KCNIP4: variants seen among roughly 807,000 people sequenced by gnomAD.
The protein encoded by KCNIP4 is Kv channel-interacting protein 4.
In KCNIP4, 12 loss-of-function variants were observed where a neutral mutation model predicts 34.0. That is an observed-to-expected ratio of 0.35 (90% CI 0.23 to 0.57). KCNIP4 has a LOEUF of 0.57. Ranked by LOEUF, KCNIP4 falls within the 20% of genes least tolerant of loss-of-function variation. The pLI is 0.83. For missense variants in KCNIP4, 238 were observed against 311.7 expected (o/e 0.76, Z 1.78); for synonymous variants, 124 against 102.2 (o/e 1.21, Z -1.29).
chr4:21,296,825 G>T (rs10027124), intron 1 of KCNIP4, among the ~76,000 whole-genome samples: 83 of 152,014 alleles, frequency 5.5e-4, no homozygotes, highest in African/African-American at 1.9e-3. Context: ...AGTCTGGCCG[G>T]TGGGGGTGAA....
At chr4:20,765,499 T>G (rs1238982915) in intron 3 of KCNIP4, among the ~76,000 whole-genome samples, 1 of 152,184 alleles carries the variant, frequency 6.6e-6, no homozygotes, top group Non-Finnish European at 1.5e-5. Context: ...CTTTTTCTTT[T>G]TAGAAATCTT....
intron 1 of KCNIP4, among the ~76,000 whole-genome samples, chr4:21,820,283 GTGTATATATATATA>G (rs1274546134): frequency 0.012 from 1,568 of 127,480 alleles, 16 homozygotes; most frequent in African/African-American, 0.017. Context: ...ATGTGTGTGT[GTGTATATATATATA>G]TATATATATA....
chr4:21,352,790 C>T (rs1052562537), intron 1 of KCNIP4, among the ~76,000 whole-genome samples: 1 of 152,226 alleles, frequency 6.6e-6, no homozygotes. Flanking sequence ...CCCAGCACAG[C>T]ATTTGAGCTC....
At chr4:21,302,195 T>G (rs1711810612) in intron 1 of KCNIP4, among the ~76,000 whole-genome samples, 1 of 152,150 alleles carries the variant, frequency 6.6e-6, no homozygotes, top group Admixed American at 6.5e-5. Flanking sequence ...TCATAGAGGT[T>G]AGCAGCTCTT....
At chr4:20,973,850 T>C (rs942825497) in intron 1 of KCNIP4, among the ~76,000 whole-genome samples, 1 of 152,094 alleles carries the variant, frequency 6.6e-6, no homozygotes, top group Non-Finnish European at 1.5e-5. Context: ...TATTTATAGA[T>C]TAAGTTTGGA....
intron 1 of KCNIP4, among the ~76,000 whole-genome samples, chr4:21,051,201 T>C (rs1319049210): frequency 1.3e-5 from 2 of 152,230 alleles, no homozygotes; most frequent in Middle Eastern, 3.2e-3. Context: ...TCATTTTTCT[T>C]TCACTTATTT....
rs569359636 is a variant in KCNIP4, at chr4:21,804,728, T to C, written c.61+143843A>G. 5.3e-5 allele frequency among the ~76,000 whole-genome samples: 8 copies of C among 152,282 alleles called. No individual in the cohort carries two copies. The East Asian group carries it at 1.5e-3, about 29-fold the overall frequency. ...GCCTATAGATATGTTATCATAAATA[T>C]AAAAGGAAAACTAAGTTATAGAATT... On this transcript the variant is annotated intron_variant, in intron 1 of 8. Transcript: ENST00000382152.
chr4:20,878,443 C>A (rs777692505), intron 2 of KCNIP4, among the ~76,000 whole-genome samples: 1 of 152,146 alleles, frequency 6.6e-6, no homozygotes, highest in Non-Finnish European at 1.5e-5. Flanking sequence ...TTTCTCTGAG[C>A]CAATCAAGAT....
intron 1 of KCNIP4, among the ~76,000 whole-genome samples, chr4:21,892,352 G>T (rs756544543): frequency 6.6e-6 from 1 of 151,646 alleles, no homozygotes; most frequent in Non-Finnish European, 1.5e-5. Flanking sequence ...AGGCTATGCT[G>T]CTAGAAGTTG....
intron 1 of KCNIP4, among the ~76,000 whole-genome samples, chr4:21,119,966 C>T (rs573862891): frequency 1.1e-4 from 17 of 152,188 alleles, no homozygotes; most frequent in Admixed American, 9.8e-4. Context: ...GGAGCCAGAA[C>T]GGGAAGGTGT....
At chr4:21,112,775 G>A (rs1749334471) in intron 1 of KCNIP4, among the ~76,000 whole-genome samples, 1 of 152,144 alleles carries the variant, frequency 6.6e-6, no homozygotes, top group African/African-American at 2.4e-5. Context: ...TAGTGTATTT[G>A]TCTTAAATTG....
intron 1 of KCNIP4, among the ~76,000 whole-genome samples, chr4:21,861,651 C>T (rs1185763807): frequency 1.3e-4 from 7 of 55,512 alleles, no homozygotes; most frequent in Non-Finnish European, 2.6e-4. Context: ...AGTGAGACTC[C>T]GTCTCAAAAA....
intron 1 of KCNIP4, among the ~76,000 whole-genome samples, chr4:21,411,308 C>T (rs1724477828): frequency 6.6e-6 from 1 of 151,986 alleles, no homozygotes; most frequent in Non-Finnish European, 1.5e-5. Flanking sequence ...GGAAAGCAAA[C>T]TTTTAGATAG....
chr4:21,393,784 C>G (rs1722748955), intron 1 of KCNIP4, among the ~76,000 whole-genome samples: 1 of 152,102 alleles, frequency 6.6e-6, no homozygotes, highest in Non-Finnish European at 1.5e-5. Flanking sequence ...TTCTCCACTG[C>G]CATCATTGAA....
At position 21,683,453 on chromosome 4, in the gene KCNIP4, T is replaced by A. The variant is rs1246194871; in HGVS notation, c.61+265118A>T. On this transcript the variant is annotated intron_variant, in intron 1 of 8. Transcript: ENST00000382152. ...AATGATTGGTGAAGCCAGATTTTTT[T>A]TTTTTTTTTTTTTTTTTTTTTTTTT... Among the ~76,000 whole-genome samples, 117 of 11,904 alleles carry A rather than the reference T, an allele frequency of 9.8e-3. 6 individuals are homozygous for A. The highest frequency in any genetic ancestry group is 0.043 in the African/African-American group (111 of 2,602). The allele number at this position is 11,904 out of a possible 152,430, so 7.8% of individuals were successfully genotyped here. A position where few individuals can be genotyped will look rare whatever the true frequency, so the allele number is the denominator to read the frequency against.
intron 1 of KCNIP4, among the ~76,000 whole-genome samples, chr4:21,156,896 C>G (rs1560772043): frequency 6.6e-6 from 1 of 151,686 alleles, no homozygotes. Flanking sequence ...AATATGCATT[C>G]TACATTAAAA....
intron 1 of KCNIP4, among the ~76,000 whole-genome samples, chr4:21,074,830 A>G (rs1745325880): frequency 6.6e-6 from 1 of 152,110 alleles, no homozygotes. Flanking sequence ...AGATACTGCT[A>G]TGTTGTGTCT....
intron 1 of KCNIP4, among the ~76,000 whole-genome samples, chr4:21,755,404 A>C: frequency 6.6e-6 from 1 of 152,214 alleles, no homozygotes; most frequent in East Asian, 1.9e-4. Context: ...AAATAAAATT[A>C]GGTTTCAGTT....
At chr4:21,232,673 A>G (rs974316879) in intron 1 of KCNIP4, among the ~76,000 whole-genome samples, 3 of 152,198 alleles carry the variant, frequency 2.0e-5, no homozygotes, top group Non-Finnish European at 4.4e-5. Flanking sequence ...ATTTATTCAT[A>G]TGTTCACTCA....
Sources: allele counts gnomAD v4.1 joint callset (sites outside exome capture counted in the v4.1 genomes callset), GRCh38; gene constraint gnomAD v4.1.1; transcripts MANE v1.5; gene names NCBI Gene and HGNC (gene_info 2026-07-23, HGNC 2026-07-21).